Variants in APIP observed in about 807,000 individuals in gnomAD.
APIP encodes the protein APAF1 interacting protein.
In APIP, 32 loss-of-function variants were observed where a neutral mutation model predicts 32.0. The observed-to-expected ratio is 1.00, with a 90% CI of 0.76 to 1.34. APIP has a LOEUF of 1.34. Among genes scored for constraint, APIP ranks in the 40% most tolerant of loss-of-function variants. APIP has a pLI of 0.00. For missense variants in APIP, 247 were observed against 298.6 expected (o/e 0.83, Z 1.27); for synonymous variants, 92 against 94.8 (o/e 0.97, Z 0.17).
Position 34,890,485 on chromosome 11 carries a change from A to G in APIP, c.207+19T>C. 6.2e-7 allele frequency: 1 copy of G among 1,600,454 alleles called. No individual in the cohort carries two copies. The highest frequency in any genetic ancestry group is 8.5e-7 in the Non-Finnish European group (1 of 1,174,192). ...TTAAGAAGAAAAGACACTGAGGTTAAAGAATCCCATTACCATACCTGAATT... is the reference window on the plus strand; with the variant it reads ...TTAAGAAGAAAAGACACTGAGGTTAGAGAATCCCATTACCATACCTGAATT... On this transcript the variant is annotated intron_variant, in intron 3 of 6. Coordinates refer to ENST00000395787, the MANE Select transcript of APIP (RefSeq NM_015957.4).
intron 3 of APIP, 128 bp from the exon 4 acceptor site, chr11:34,888,997 A>G (rs970326936): frequency 6.9e-6 from 3 of 437,110 alleles, no homozygotes; most frequent in Non-Finnish European, 1.2e-5. Flanking sequence ...ACTTGTGTGT[A>G]TATTTAGTAT....
chr11:34,915,542 G>A (rs1037919034), intron 1 of APIP, among the ~76,000 whole-genome samples: 1 of 152,178 alleles, frequency 6.6e-6, no homozygotes, highest in Non-Finnish European at 1.5e-5. Context: ...TATTCGTCTA[G>A]TTCTCCAGAC....
chr11:34,888,621 A>G (rs1853126005), intron 4 of APIP, 131 bp downstream of exon 4: 1 of 1,101,058 alleles, frequency 9.1e-7, no homozygotes, highest in Non-Finnish European at 1.3e-6. Context: ...GTGAGAACTG[A>G]GTAAGTTCAT....
At position 34,889,859 on chromosome 11, in the gene APIP, C is replaced by T. The variant is rs115854089; in HGVS notation, c.207+645G>A. On this transcript the variant is annotated intron_variant, in intron 3 of 6. Transcript: ENST00000395787. Reference sequence around the variant, plus strand: ...CATACTAATCCATGGTATATATGTACCACATTTTCTTTCGCCAGTCTACTG... The same window carrying T: ...CATACTAATCCATGGTATATATGTATCACATTTTCTTTCGCCAGTCTACTG... 7.5e-3 allele frequency among the ~76,000 whole-genome samples: 1,135 copies of T among 152,212 alleles called. 16 individuals are homozygous for T. The highest frequency in any genetic ancestry group is 0.026 in the African/African-American group (1,090 of 41,556).
intron 1 of APIP, chr11:34,896,810 A>G (rs748592172): frequency 7.8e-7 from 1 of 1,288,434 alleles, no homozygotes; most frequent in Non-Finnish European, 1.0e-6. Flanking sequence ...AGGTATTGCA[A>G]AACTCTGGTG....
intron 1 of APIP, among the ~76,000 whole-genome samples, chr11:34,895,545 C>G (rs1166359708): frequency 6.6e-6 from 1 of 152,222 alleles, no homozygotes; most frequent in Non-Finnish European, 1.5e-5. Flanking sequence ...TCAACACATA[C>G]TCTGTGTGTT....
Position 34,895,034 on chromosome 11 carries a change from C to A in APIP, c.134G>T (p.Gly45Val). ...CCCATGCTTCAAGCTAATTCCTCCT[C>A]CAGTCCCAGTGACCCAGCCTAAATG... ...FYHLGWVTGT[G>V]GGISLKHGDE... Residue 45 changes from glycine to valine, a missense_variant, in exon 2 of 7, where the codon GGA (glycine) becomes GTA (valine). Transcript: ENST00000395787. The A allele has an allele frequency of 6.2e-7, 1 of 1,614,092 alleles. No homozygotes were observed. The highest frequency in any genetic ancestry group is 8.5e-7 in the Non-Finnish European group (1 of 1,179,976).
chr11:34,894,122 ATACT>A (rs1272400971), intron 2 of APIP, among the ~76,000 whole-genome samples: 1 of 152,202 alleles, frequency 6.6e-6, no homozygotes, highest in Non-Finnish European at 1.5e-5. Context: ...ACAGTTACTA[ATACT>A]TACTTTATTT....
chr11:34,902,270 C>T (rs570516207), intron 1 of APIP, among the ~76,000 whole-genome samples: 1 of 152,226 alleles, frequency 6.6e-6, no homozygotes, highest in Non-Finnish European at 1.5e-5. Flanking sequence ...AGATAGTCCT[C>T]ATCTGTTTGG....
intron 5 of APIP, among the ~76,000 whole-genome samples, chr11:34,885,018 A>G (rs1185931832): frequency 6.6e-6 from 1 of 150,918 alleles, no homozygotes; most frequent in Non-Finnish European, 1.5e-5. Context: ...CCATAGAGAC[A>G]TTGCTTCTGA....
At chr11:34,886,835 T>A (rs569773454) in intron 5 of APIP, among the ~76,000 whole-genome samples, 1 of 152,334 alleles carries the variant, frequency 6.6e-6, no homozygotes, top group South Asian at 2.1e-4. Flanking sequence ...ACCCTGGGTG[T>A]GCAGTAGGCT....
intron 1 of APIP, among the ~76,000 whole-genome samples, chr11:34,895,782 A>G (rs1286845427): frequency 6.6e-6 from 1 of 152,100 alleles, no homozygotes; most frequent in Non-Finnish European, 1.5e-5. Context: ...TGTTATTTTT[A>G]TAAGTCCAAT....
At chr11:34,899,033 T>C (rs1439056737) in intron 1 of APIP, among the ~76,000 whole-genome samples, 1 of 151,992 alleles carries the variant, frequency 6.6e-6, no homozygotes, top group Non-Finnish European at 1.5e-5. Context: ...TCTCCTGACC[T>C]AGTGATCCAC....
intron 5 of APIP, among the ~76,000 whole-genome samples, chr11:34,886,534 A>G (rs2956091): frequency 0.6 from 91,288 of 151,990 alleles, 28,456 homozygotes; most frequent in East Asian, 0.74. Flanking sequence ...TAGCCTAAAC[A>G]TACAATGCTT....
At chr11:34,907,911 G>T (rs2133921755) in intron 1 of APIP, among the ~76,000 whole-genome samples, 1 of 152,098 alleles carries the variant, frequency 6.6e-6, no homozygotes, top group East Asian at 1.9e-4. Flanking sequence ...AGCCTGGCTT[G>T]TCTCCGAGAT....
Position 34,888,410 on chromosome 11 carries a change from T to C in APIP, c.344A>G (p.His115Arg), listed in dbSNP as rs1212286230. 6.2e-7 allele frequency: 1 copy of C among 1,609,550 alleles called. No individual in the cohort carries two copies. The highest frequency in any genetic ancestry group is 8.5e-7 in the Non-Finnish European group (1 of 1,178,492). Residue 115 changes from histidine to arginine, a missense_variant, in exon 5 of 7, where the codon CAT becomes CGT. His to Arg is a conservative substitution (Grantham distance 29, BLOSUM62 0). Coordinates refer to ENST00000395787, the MANE Select transcript of APIP (RefSeq NM_015957.4). The stretch of plus-strand genomic sequence containing the variant: ...CATCACAGCAGCTTTAGAGTGGGTA[T>C]GAATCACTGCACCTGCTCCTGAAGG... The part of the protein sequence containing the change: ...YTMRGAGAVI[H>R]THSKAAVMAT...
At chr11:34,892,179 CAAAG>C (rs1205017547) in intron 2 of APIP, among the ~76,000 whole-genome samples, 20 of 152,100 alleles carry the variant, frequency 1.3e-4, no homozygotes, top group African/African-American at 4.8e-4. Flanking sequence ...TTTACACCTA[CAAAG>C]AAAGAGATAT....
intron 5 of APIP, among the ~76,000 whole-genome samples, chr11:34,884,488 G>A (rs1344842618): frequency 3.9e-5 from 6 of 152,172 alleles, no homozygotes; most frequent in Non-Finnish European, 5.9e-5. Context: ...ACTTTGGGAA[G>A]CCAAGGCAGA....
Position 34,890,552 on chromosome 11 carries a change from G to A in APIP, c.159C>T (p.Gly53=), listed in dbSNP as rs371620212. The change falls in exon 3 of 7, where the codon GGC becomes GGT. Residue 53 remains glycine (G), a splice_region_variant and synonymous_variant. Transcript: ENST00000395787. ...CTGAAGGAGCAATGTAGATTTCATCGCTGGCAACACAAAACATACAAATTG... is the reference window on the plus strand; with the variant it reads ...CTGAAGGAGCAATGTAGATTTCATCACTGGCAACACAAAACATACAAATTG... The part of the protein sequence containing the change: ...GTGGGISLKH[G]DEIYIAPSGV... 66 of 1,608,626 alleles carry A rather than the reference G, an allele frequency of 4.1e-5. No individual in the cohort carries two copies. Among genetic ancestry groups the A allele is most frequent in the Admixed American group, 5.0e-5 (3 of 59,442 alleles).
Sources: allele counts gnomAD v4.1 joint callset (sites outside exome capture counted in the v4.1 genomes callset), GRCh38; gene constraint gnomAD v4.1.1; transcripts MANE v1.5; gene names NCBI Gene and HGNC (gene_info 2026-07-23, HGNC 2026-07-21).